ARHGAP42: variants seen among roughly 807,000 people sequenced by gnomAD.
ARHGAP42 encodes Rho GTPase activating protein 42.
Under a neutral mutation model 125.0 loss-of-function variants are expected in ARHGAP42, and 63 were observed. The observed-to-expected ratio is 0.50, with a 90% CI of 0.41 to 0.62. ARHGAP42 has a LOEUF of 0.62. Ranked by LOEUF, ARHGAP42 falls within the 20% of genes least tolerant of loss-of-function variation. ARHGAP42 has a pLI of 0.00. For missense variants in ARHGAP42, 766 were observed against 1,024.2 expected, an observed-to-expected ratio of 0.75 and a Z score of 3.44; for synonymous variants, 339 against 351.0, an observed-to-expected ratio of 0.97 and a Z score of 0.38.
At chr11:100,919,518 A>G (rs1445616730) in intron 5 of ARHGAP42, among the ~76,000 whole-genome samples, 1 of 151,970 alleles carries the variant, frequency 6.6e-6, no homozygotes, top group Non-Finnish European at 1.5e-5. Context: ...TCAACATTCT[A>G]GTTTGTTCCC....
At chr11:100,838,791 G>C (rs756778136) in intron 3 of ARHGAP42, among the ~76,000 whole-genome samples, 3 of 152,072 alleles carry the variant, frequency 2.0e-5, no homozygotes, top group African/African-American at 4.8e-5. Flanking sequence ...ATAATGCTTC[G>C]TTGAGGATCA....
chr11:100,871,401 C>T (rs1424411220), intron 4 of ARHGAP42, among the ~76,000 whole-genome samples: 1 of 151,768 alleles, frequency 6.6e-6, no homozygotes, highest in African/African-American at 2.4e-5. Context: ...CAAAAATTAG[C>T]CAGGCATCGT....
intron 3 of ARHGAP42, among the ~76,000 whole-genome samples, chr11:100,800,934 T>G (rs955407235): frequency 6.6e-6 from 1 of 152,214 alleles, no homozygotes. Flanking sequence ...AAAACAATGA[T>G]AGTATAGGTT....
chr11:100,769,364 A>G (rs1381406237), intron 1 of ARHGAP42, among the ~76,000 whole-genome samples: 1 of 151,822 alleles, frequency 6.6e-6, no homozygotes, highest in Admixed American at 6.6e-5. Context: ...ATTCTTAATC[A>G]CTCGGTTAGG....
At chr11:100,746,889 C>T (rs1451181125) in intron 1 of ARHGAP42, among the ~76,000 whole-genome samples, 2 of 152,108 alleles carry the variant, frequency 1.3e-5, no homozygotes, top group Non-Finnish European at 2.9e-5. Flanking sequence ...AGGGATCGAT[C>T]CAGGAAAAAT....
At chr11:100,792,491 T>A (rs1303243860) in intron 2 of ARHGAP42, among the ~76,000 whole-genome samples, 2 of 152,186 alleles carry the variant, frequency 1.3e-5, no homozygotes, top group Non-Finnish European at 2.9e-5. Context: ...TGTCCTGCTA[T>A]TTTTAGAATT....
rs138250526 is a variant in ARHGAP42 at position 100,908,374 on chromosome 11, A to G, written c.385-5078A>G. Among the ~76,000 whole-genome samples, 1,274 of 152,268 alleles carry G rather than the reference A, an allele frequency of 8.4e-3. 21 individuals carry two copies. Among genetic ancestry groups the G allele is most frequent in the African/African-American group, 0.029 (1,204 of 41,558 alleles). On this transcript the variant is annotated intron_variant, in intron 4 of 23. Transcript: ENST00000298815. ...CTGAATAGTGTTCATTGTACCCAAC[A>G]GGTAATGTTTCATCCTTCACCTGCC...
chr11:100,981,788 G>C (rs1050191080), intron 22 of ARHGAP42, among the ~76,000 whole-genome samples: 1 of 152,192 alleles, frequency 6.6e-6, no homozygotes, highest in Non-Finnish European at 1.5e-5. Flanking sequence ...TTTATGAATA[G>C]GATCAGGATT....
chr11:100,805,142 A>G (rs1863959365), intron 3 of ARHGAP42, among the ~76,000 whole-genome samples: 1 of 152,252 alleles, frequency 6.6e-6, no homozygotes, highest in Non-Finnish European at 1.5e-5. Context: ...TTCAAAGTGT[A>G]TGCTATTAAT....
chr11:100,784,177 TGTATA>T (rs1470915184), intron 2 of ARHGAP42, among the ~76,000 whole-genome samples: 1 of 152,126 alleles, frequency 6.6e-6, no homozygotes, highest in Non-Finnish European at 1.5e-5. Flanking sequence ...ACTACAGGAA[TGTATA>T]GTAGTTTCTA....
At position 100,892,014 on chromosome 11, in the gene ARHGAP42, G is replaced by A. The variant is rs905373180; in HGVS notation, c.385-21438G>A. On this transcript the variant is annotated intron_variant, in intron 4 of 23. Transcript: ENST00000298815. The stretch of plus-strand genomic sequence containing the variant: ...TAATGGTATGTGAGAAGAACTTCAA[G>A]CACATTGGTATTAGTAGAGCATAAA... Among the ~76,000 whole-genome samples the A allele has an allele frequency of 3.9e-5, 6 of 152,230 alleles. No individual in the cohort carries two copies. In the South Asian group the frequency reaches 1.0e-3, roughly 26 times the overall value.
intron 4 of ARHGAP42, among the ~76,000 whole-genome samples, chr11:100,880,844 T>C (rs1325084669): frequency 1.3e-5 from 2 of 152,212 alleles, no homozygotes; most frequent in African/African-American, 4.8e-5. Context: ...TCCTGGATCA[T>C]TAGTGATGTA....
At chr11:100,917,537 A>G (rs563745711) in intron 5 of ARHGAP42, among the ~76,000 whole-genome samples, 12 of 152,180 alleles carry the variant, frequency 7.9e-5, no homozygotes, top group African/African-American at 2.7e-4. Context: ...TTTTTAAATT[A>G]TCTGTTAATG....
chr11:100,733,943 T>TG (rs1862009546), intron 1 of ARHGAP42, among the ~76,000 whole-genome samples: 1 of 145,420 alleles, frequency 6.9e-6, no homozygotes, highest in Non-Finnish European at 1.5e-5. Flanking sequence ...TTTTTTTTTT[T>TG]TTTTTTTTTT....
intron 1 of ARHGAP42, among the ~76,000 whole-genome samples, chr11:100,754,753 CT>C (rs1345127745): frequency 2.0e-5 from 3 of 152,196 alleles, no homozygotes; most frequent in African/African-American, 7.2e-5. Flanking sequence ...ACTCCTACCC[CT>C]CTTGCCCAAT....
At chr11:100,711,720 A>G (rs1861568060) in intron 1 of ARHGAP42, among the ~76,000 whole-genome samples, 2 of 152,220 alleles carry the variant, frequency 1.3e-5, no homozygotes, top group Non-Finnish European at 2.9e-5. Context: ...GTTATTATCT[A>G]TGCAATAAAC....
chr11:100,932,931 C>T (rs888575527), intron 6 of ARHGAP42, among the ~76,000 whole-genome samples: 3 of 152,134 alleles, frequency 2.0e-5, no homozygotes, highest in Non-Finnish European at 2.9e-5. Flanking sequence ...TGACAAATGT[C>T]CTTGATCAGC....
intron 4 of ARHGAP42, among the ~76,000 whole-genome samples, chr11:100,911,384 C>T (rs910555796): frequency 6.6e-6 from 1 of 151,736 alleles, no homozygotes; most frequent in East Asian, 1.9e-4. Context: ...TAGTAGAGAC[C>T]CATATATATA....
chr11:100,973,474 T>C, intron 18 of ARHGAP42, 140 bp downstream of exon 18: 1 of 866,638 alleles, frequency 1.2e-6, no homozygotes, highest in South Asian at 1.7e-5. Flanking sequence ...TTGTTGTTTT[T>C]AAGTGCTTCT....
Sources: gnomAD v4.1 joint callset for allele counts (sites outside exome capture counted in the v4.1 genomes callset) on GRCh38, gnomAD v4.1.1 for gene constraint, MANE v1.5 for transcripts, NCBI Gene and HGNC (gene_info 2026-07-23, HGNC 2026-07-21) for gene names.